NDC1: variants seen among roughly 807,000 people sequenced by gnomAD.
NDC1 encodes nucleoporin NDC1.
A neutral mutation model predicts 89.8 loss-of-function variants in NDC1; 24 were observed. That is an observed-to-expected ratio of 0.27 (90% CI 0.19 to 0.38). The LOEUF (loss-of-function observed/expected upper bound fraction) is 0.38, where lower values mean the gene tolerates loss of function less well. Ranked by LOEUF, NDC1 falls within the 10% of genes least tolerant of loss-of-function variation. The probability of loss-of-function intolerance (pLI) is 1.00; values close to 1 mark genes in which losing one functional copy is unlikely to be tolerated. For missense variants in NDC1, 728 were observed against 797.6 expected (o/e 0.91, Z 1.05); for synonymous variants, 296 against 284.8 (o/e 1.04, Z -0.39).
At position 53,772,472 on chromosome 1, in the gene NDC1, A is replaced by C. The variant is rs370908994; in HGVS notation, c.1818T>G (p.Phe606Leu). Residue 606 changes from phenylalanine (F) to leucine (L), a missense_variant, in exon 17 of 18, where the codon TTT (phenylalanine) becomes TTG (leucine). Coordinates refer to ENST00000371429, the MANE Select transcript of NDC1 (RefSeq NM_018087.5). ...GTTTACTGGAAGCATGAGGAAGCTT[A>C]AAGTACTTGTCGACTGCCTACACCA... ...LTLQEAVDKY[F>L]KLPHASSKPP... 21 of 1,613,160 alleles carry C rather than the reference A, an allele frequency of 1.3e-5. No individual in the cohort carries two copies. Among genetic ancestry groups the C allele is most frequent in the Non-Finnish European group, 1.5e-5 (18 of 1,179,468 alleles).
At chr1:53,834,100 G>A (rs1649154627) in intron 2 of NDC1, among the ~76,000 whole-genome samples, 1 of 152,200 alleles carries the variant, frequency 6.6e-6, no homozygotes, top group Admixed American at 6.5e-5. Context: ...CTAAATTAAT[G>A]AGGAATATTT....
intron 9 of NDC1, 96 bp downstream of exon 9, chr1:53,806,329 C>T (rs1347573342): frequency 9.8e-6 from 7 of 712,128 alleles, no homozygotes; most frequent in Non-Finnish European, 1.5e-5. Context: ...TATTATAGGC[C>T]CTCAAAAAAT....
intron 6 of NDC1, among the ~76,000 whole-genome samples, chr1:53,814,986 TCCAGGA>T (rs958999815): frequency 6.6e-6 from 1 of 151,958 alleles, no homozygotes; most frequent in African/African-American, 2.4e-5. Flanking sequence ...CAAAAAAAAG[TCCAGGA>T]CCAGATGGAT....
chr1:53,798,271 T>G (rs72662319), intron 11 of NDC1, among the ~76,000 whole-genome samples: 17,402 of 149,300 alleles, frequency 0.12, 1,128 homozygotes, highest in Non-Finnish European at 0.15. Flanking sequence ...CTGGTTCAAG[T>G]GAAATCTCCT....
chr1:53,790,520 A>G (rs964997416), intron 14 of NDC1, among the ~76,000 whole-genome samples: 8 of 151,988 alleles, frequency 5.3e-5, no homozygotes, highest in African/African-American at 1.9e-4. Flanking sequence ...CAGCCTGGTC[A>G]ACGTGGTAAA....
chr1:53,790,475 G>C (rs1255594391), intron 14 of NDC1, among the ~76,000 whole-genome samples: 1 of 152,076 alleles, frequency 6.6e-6, no homozygotes, highest in Non-Finnish European at 1.5e-5. Flanking sequence ...GGGAGGCTGA[G>C]GAGGGCCAAT....
chr1:53,807,568 G>T, intron 8 of NDC1, 88 bp downstream of exon 8: 1 of 1,102,614 alleles, frequency 9.1e-7, no homozygotes, highest in Non-Finnish European at 1.3e-6. Flanking sequence ...AAATGGTTTT[G>T]CGTGTGCTGA....
rs1264851411 is a variant in NDC1 at position 53,766,098 on chromosome 1, G to A, written c.*1872C>T. 2 of 152,134 alleles carry A rather than the reference G, an allele frequency of 1.3e-5. No homozygotes were observed. Among genetic ancestry groups the A allele is most frequent in the African/African-American group, 4.8e-5 (2 of 41,422 alleles). The allele number at this position is 152,134 out of a possible 1,614,324, so 9.4% of individuals were successfully genotyped here. A position where few individuals can be genotyped will look rare whatever the true frequency, so the allele number is the denominator to read the frequency against. ...CAGCACATTCTCTTAAGAGAAAACA[G>A]GAATGAACATTCTCAGAAACATTCA... is the stretch of plus-strand genomic sequence containing the variant. On this transcript the variant is annotated 3_prime_UTR_variant, in exon 18 of 18. Transcript: ENST00000371429.
intron 16 of NDC1, among the ~76,000 whole-genome samples, chr1:53,784,609 G>A (rs1043299500): frequency 6.6e-6 from 1 of 152,160 alleles, no homozygotes; most frequent in African/African-American, 2.4e-5. Context: ...TGGCTAACAC[G>A]GTGAAACCCC....
intron 13 of NDC1, among the ~76,000 whole-genome samples, 188 bp downstream of exon 13, chr1:53,796,501 C>A (rs188589517): frequency 2.8e-4 from 41 of 147,754 alleles, no homozygotes; most frequent in African/African-American, 1.0e-3. Flanking sequence ...GTTATCAGGT[C>A]AAGTCATATG....
At chr1:53,815,175 TTGATGAA>T (rs1264511675) in intron 6 of NDC1, among the ~76,000 whole-genome samples, 1 of 152,192 alleles carries the variant, frequency 6.6e-6, no homozygotes, top group African/African-American at 2.4e-5. Context: ...ACTGTTATCC[TTGATGAA>T]TATTGATGCT....
intron 16 of NDC1, among the ~76,000 whole-genome samples, chr1:53,779,376 T>C (rs1570160917): frequency 6.6e-6 from 1 of 152,120 alleles, no homozygotes; most frequent in African/African-American, 2.4e-5. Context: ...TTTTTTACAT[T>C]TTATACTTTC....
At chr1:53,775,359 C>T (rs548611597) in intron 16 of NDC1, among the ~76,000 whole-genome samples, 3 of 152,104 alleles carry the variant, frequency 2.0e-5, no homozygotes, top group African/African-American at 7.2e-5. Flanking sequence ...AAGGTTCAAG[C>T]GATTCTCCTG....
intron 1 of NDC1, among the ~76,000 whole-genome samples, chr1:53,837,390 T>A (rs1001349828): frequency 6.6e-6 from 1 of 152,210 alleles, no homozygotes; most frequent in Non-Finnish European, 1.5e-5. Context: ...CTGACCAACA[T>A]GGTGAAACCC....
Position 53,800,840 on chromosome 1 carries a change from G to T in NDC1, c.1075C>A (p.Pro359Thr). 1 of 1,596,836 alleles carries T rather than the reference G, an allele frequency of 6.3e-7. No homozygotes were observed. Among genetic ancestry groups the T allele is most frequent in the Non-Finnish European group, 8.5e-7 (1 of 1,171,924 alleles). Reference protein sequence around the residue: ...VFSLSQPGGHPHNWTAISREC... With the variant: ...VFSLSQPGGHTHNWTAISREC... ...CTTGAAATGGCTGTCCAATTGTGGG[G>T]ATGTCCACCTAGGAGGTCCAAACAC... Residue 359 changes from proline to threonine, a missense_variant, in exon 11 of 18, where the codon CCC becomes ACC. Coordinates refer to ENST00000371429, the MANE Select transcript of NDC1 (RefSeq NM_018087.5).
At chr1:53,806,226 T>G (rs1024479498) in intron 9 of NDC1, among the ~76,000 whole-genome samples, 199 bp downstream of exon 9, 3 of 152,268 alleles carry the variant, frequency 2.0e-5, no homozygotes, top group Non-Finnish European at 4.4e-5. Context: ...ACATACACTG[T>G]ACTGTGCACT....
intron 6 of NDC1, among the ~76,000 whole-genome samples, chr1:53,817,893 T>A (rs1420260767): frequency 6.6e-6 from 1 of 152,212 alleles, no homozygotes; most frequent in African/African-American, 2.4e-5. Context: ...ACAAGATTAA[T>A]GTTTTCACCT....
At chr1:53,830,890 G>A (rs1043857460) in intron 3 of NDC1, among the ~76,000 whole-genome samples, 1 of 149,088 alleles carries the variant, frequency 6.7e-6, no homozygotes, top group African/African-American at 2.5e-5. Context: ...CCCGGTCTGA[G>A]TATTCTATGA....
At chr1:53,835,743 T>A in intron 1 of NDC1, 123 bp from the exon 2 acceptor site, 1 of 750,708 alleles carries the variant, frequency 1.3e-6, no homozygotes, top group Non-Finnish European at 2.2e-6. Context: ...ACTCAAACAT[T>A]CACTACTAGT....
Sources: gnomAD v4.1 joint callset for allele counts (sites outside exome capture counted in the v4.1 genomes callset) on GRCh38, gnomAD v4.1.1 for gene constraint, MANE v1.5 for transcripts, NCBI Gene and HGNC (gene_info 2026-07-23, HGNC 2026-07-21) for gene names.